The following FGGY variants were observed in gnomAD, a reference collection of about 807,000 sequenced individuals.
FGGY encodes FGGY carbohydrate kinase domain-containing protein.
A neutral mutation model predicts 71.3 loss-of-function variants in FGGY; 72 were observed. That is an observed-to-expected ratio of 1.01 (90% confidence interval 0.84 to 1.23). The LOEUF (loss-of-function observed/expected upper bound fraction) is 1.23. FGGY is among the 50% of genes most tolerant of loss of function. The pLI is 0.00. For synonymous variants in FGGY, 251 were observed against 250.3 expected (o/e 1.00, Z -0.02); for missense variants, 668 against 682.3 (o/e 0.98, Z 0.23).
intron 4 of FGGY, among the ~76,000 whole-genome samples, chr1:59,347,401 G>C (rs1313353556): frequency 1.3e-5 from 2 of 151,990 alleles, no homozygotes; most frequent in Non-Finnish European, 2.9e-5. Flanking sequence ...CCAGCTTCAT[G>C]CATGTCCCTA....
At chr1:59,749,981 A>C (rs1345066753) in intron 14 of FGGY, among the ~76,000 whole-genome samples, 1 of 152,222 alleles carries the variant, frequency 6.6e-6, no homozygotes, top group Non-Finnish European at 1.5e-5. Context: ...GACTGCTATA[A>C]GGGGAACCAA....
At chr1:59,527,884 T>C (rs2095035012) in intron 7 of FGGY, among the ~76,000 whole-genome samples, 2 of 152,224 alleles carry the variant, frequency 1.3e-5, no homozygotes, top group Non-Finnish European at 1.5e-5. Context: ...GAATGACTTA[T>C]AGGTTTTTTT....
chr1:59,646,379 C>T (rs1441021850), intron 11 of FGGY, among the ~76,000 whole-genome samples: 5 of 151,712 alleles, frequency 3.3e-5, no homozygotes, highest in Admixed American at 1.3e-4. Flanking sequence ...TTAATATCCT[C>T]AGTGTCTTTA....
intron 14 of FGGY, among the ~76,000 whole-genome samples, chr1:59,708,380 A>G (rs1042933203): frequency 6.6e-6 from 1 of 151,942 alleles, no homozygotes; most frequent in Non-Finnish European, 1.5e-5. Flanking sequence ...GCTTTTCCCT[A>G]CTTCAACTGG....
At chr1:59,623,391 G>A (rs1009390247) in intron 9 of FGGY, among the ~76,000 whole-genome samples, 7 of 152,082 alleles carry the variant, frequency 4.6e-5, no homozygotes, top group African/African-American at 7.2e-5. Flanking sequence ...TTAACCTACA[G>A]TAATCCTATG....
chr1:59,686,871 A>C (rs1033240522), intron 14 of FGGY, among the ~76,000 whole-genome samples: 1 of 152,242 alleles, frequency 6.6e-6, no homozygotes, highest in African/African-American at 2.4e-5. Context: ...AATTGTTGTG[A>C]AAATTAAATG....
intron 7 of FGGY, among the ~76,000 whole-genome samples, chr1:59,527,141 A>AGT (rs2095011008): frequency 6.6e-6 from 1 of 152,240 alleles, no homozygotes; most frequent in Non-Finnish European, 1.5e-5. Context: ...GTGCCTTGGT[A>AGT]GTGTAATTAC....
intron 5 of FGGY, among the ~76,000 whole-genome samples, chr1:59,411,820 T>C (rs1284089239): frequency 6.6e-6 from 1 of 151,808 alleles, no homozygotes; most frequent in Non-Finnish European, 1.5e-5. Flanking sequence ...CTGACATGTC[T>C]CCATCTTTTT....
At chr1:59,673,921 G>A (rs998821624) in intron 13 of FGGY, 118 bp from the exon 14 acceptor site, 33 of 731,230 alleles carry the variant, frequency 4.5e-5, no homozygotes, top group Non-Finnish European at 5.5e-5. Context: ...GCAGGGAGTC[G>A]GGCGGGGGGC....
At chr1:59,367,645 G>A (rs1023083946) in intron 4 of FGGY, among the ~76,000 whole-genome samples, 3 of 152,144 alleles carry the variant, frequency 2.0e-5, no homozygotes, top group Non-Finnish European at 2.9e-5. Flanking sequence ...CTCGACCCTG[G>A]TGTCACTGCA....
chr1:59,587,026 G>A (rs544031385), intron 8 of FGGY, among the ~76,000 whole-genome samples: 2 of 152,238 alleles, frequency 1.3e-5, no homozygotes, highest in Non-Finnish European at 2.9e-5. Flanking sequence ...GGGTCAGGGA[G>A]TTCCCTTTCC....
chr1:59,590,499 A>G (rs949426826), intron 8 of FGGY, among the ~76,000 whole-genome samples: 1 of 152,222 alleles, frequency 6.6e-6, no homozygotes, highest in Admixed American at 6.5e-5. Context: ...AGAGAATTTT[A>G]GACCAATATC....
chr1:59,742,713 G>C (rs2098161464), intron 14 of FGGY, among the ~76,000 whole-genome samples: 1 of 152,164 alleles, frequency 6.6e-6, no homozygotes, highest in African/African-American at 2.4e-5. Context: ...ATCAATAAAT[G>C]GCACCACGTG....
At chr1:59,474,992 G>A (rs6663897) in intron 6 of FGGY, among the ~76,000 whole-genome samples, 67,029 of 151,964 alleles carry the variant, frequency 0.44, 15,011 homozygotes, top group Middle Eastern at 0.5. Flanking sequence ...CATACAATAG[G>A]TCTTCAGAAA....
intron 8 of FGGY, among the ~76,000 whole-genome samples, chr1:59,586,902 G>C (rs922187939): frequency 1.2e-4 from 19 of 152,214 alleles, no homozygotes; most frequent in Admixed American, 2.6e-4. Context: ...TCCATCTGAG[G>C]TACCGGGTTC....
chr1:59,465,641 A>G (rs939348486), intron 6 of FGGY, among the ~76,000 whole-genome samples: 4 of 152,368 alleles, frequency 2.6e-5, no homozygotes, highest in Middle Eastern at 6.8e-3. Context: ...CTCAGCTAAT[A>G]AGCAACTTCA....
At chr1:59,629,284 A>G (rs2096887151) in intron 10 of FGGY, among the ~76,000 whole-genome samples, 1 of 152,190 alleles carries the variant, frequency 6.6e-6, no homozygotes, top group African/African-American at 2.4e-5. Flanking sequence ...CATTCTACTA[A>G]GTGACTTACA....
chr1:59,455,687 A>G (rs1470129493), intron 5 of FGGY, among the ~76,000 whole-genome samples: 1 of 152,234 alleles, frequency 6.6e-6, no homozygotes, highest in Non-Finnish European at 1.5e-5. Flanking sequence ...AATATGAAGA[A>G]GCAGTTACTT....
chr1:59,309,892 A>ATTGC (rs1239151150), intron 1 of FGGY: 1 of 151,058 alleles, frequency 6.6e-6, no homozygotes, highest in Non-Finnish European at 1.5e-5. Context: ...AGGCAAGAGA[A>ATTGC]TTGCTTGAAA....
Sources: allele counts gnomAD v4.1 joint callset (sites outside exome capture counted in the v4.1 genomes callset), GRCh38; gene constraint gnomAD v4.1.1; transcripts MANE v1.5; gene names NCBI Gene and HGNC (gene_info 2026-07-23, HGNC 2026-07-21).